Variants in ELAVL4 observed in about 807,000 individuals in gnomAD.
ELAVL4 encodes the protein ELAV-like protein 4.
A neutral mutation model predicts 35.6 loss-of-function variants in ELAVL4; 1 was observed. That is an observed-to-expected ratio of 0.03 (90% CI 0.01 to 0.13). ELAVL4 has a LOEUF of 0.13. Among genes scored for constraint, ELAVL4 ranks in the 10% least tolerant of loss-of-function variants. The pLI is 1.00. For missense variants in ELAVL4, 267 were observed against 464.9 expected (o/e 0.57, Z 3.91); for synonymous variants, 156 against 171.0 (o/e 0.91, Z 0.69).
At chr1:50,062,977 C>A (rs1664074564) in intron 1 of ELAVL4, among the ~76,000 whole-genome samples, 1 of 152,170 alleles carries the variant, frequency 6.6e-6, no homozygotes, top group African/African-American at 2.4e-5. Flanking sequence ...TCTGTTCACA[C>A]AGTGGTGAAC....
chr1:50,127,157 C>T (rs1038322142), intron 1 of ELAVL4, among the ~76,000 whole-genome samples: 5 of 152,096 alleles, frequency 3.3e-5, no homozygotes, highest in African/African-American at 9.7e-5. Flanking sequence ...CCTATGTCCC[C>T]GTGTGCTCTG....
chr1:50,170,970 C>G (rs908259945), intron 2 of ELAVL4, among the ~76,000 whole-genome samples: 20 of 152,116 alleles, frequency 1.3e-4, no homozygotes, highest in African/African-American at 4.8e-4. Context: ...GAGTTTGAGG[C>G]TGCAGCAAGC....
intron 1 of ELAVL4, among the ~76,000 whole-genome samples, chr1:50,076,270 G>A (rs1435180301): frequency 6.6e-6 from 1 of 152,192 alleles, no homozygotes; most frequent in Non-Finnish European, 1.5e-5. Flanking sequence ...CACAGTTTCA[G>A]TGACCCTTGG....
chr1:50,134,149 T>C (rs1204530310), intron 1 of ELAVL4, among the ~76,000 whole-genome samples: 1 of 152,216 alleles, frequency 6.6e-6, no homozygotes, highest in Non-Finnish European at 1.5e-5. Context: ...AGATGTGACC[T>C]AATGCTTTAG....
chr1:50,178,483 C>T (rs1027909398), intron 3 of ELAVL4, among the ~76,000 whole-genome samples: 2 of 152,152 alleles, frequency 1.3e-5, no homozygotes, highest in African/African-American at 4.8e-5. Context: ...AGCAGCTTTA[C>T]TTTTGCAATT....
At chr1:50,073,766 T>TCC in intron 1 of ELAVL4, among the ~76,000 whole-genome samples, 1 of 152,176 alleles carries the variant, frequency 6.6e-6, no homozygotes, top group Admixed American at 6.5e-5. Context: ...CACCAAGAGC[T>TCC]TTGTATGAAT....
intron 1 of ELAVL4, among the ~76,000 whole-genome samples, chr1:50,054,092 G>A (rs1417982134): frequency 6.6e-6 from 1 of 152,184 alleles, no homozygotes; most frequent in Non-Finnish European, 1.5e-5. Context: ...GAAAACTATT[G>A]TAAATTGAGT....
At chr1:50,121,449 T>C (rs1167704149) in intron 1 of ELAVL4, among the ~76,000 whole-genome samples, 1 of 152,040 alleles carries the variant, frequency 6.6e-6, no homozygotes, top group Non-Finnish European at 1.5e-5. Flanking sequence ...GAAAAGAAAG[T>C]ATCATTGGGT....
intron 1 of ELAVL4, among the ~76,000 whole-genome samples, chr1:50,092,622 A>G (rs1205320740): frequency 3.3e-5 from 5 of 152,156 alleles, no homozygotes; most frequent in South Asian, 2.1e-4. Context: ...CCATGTTTTC[A>G]TCATTAGGCG....
intron 5 of ELAVL4, 150 bp from the exon 6 acceptor site, chr1:50,197,278 AG>A: frequency 1.6e-6 from 1 of 631,246 alleles, no homozygotes; most frequent in Non-Finnish European, 2.5e-6. Context: ...GAGACAGAAA[AG>A]GGGGAAACTA....
intron 1 of ELAVL4, among the ~76,000 whole-genome samples, chr1:50,059,858 T>C (rs1309596762): frequency 1.3e-5 from 2 of 152,090 alleles, no homozygotes; most frequent in Non-Finnish European, 2.9e-5. Context: ...ACACAAAAGG[T>C]CACATATTAT....
intron 2 of ELAVL4, 133 bp from the exon 3 acceptor site, chr1:50,176,956 C>G (rs999034872): frequency 3.0e-6 from 2 of 671,690 alleles, no homozygotes; most frequent in South Asian, 2.1e-5. Flanking sequence ...GAACTGTATA[C>G]CAAAGGAGAG....
At chr1:50,178,718 C>A (rs1310218740) in intron 3 of ELAVL4, among the ~76,000 whole-genome samples, 2 of 152,136 alleles carry the variant, frequency 1.3e-5, no homozygotes, top group African/African-American at 4.8e-5. Flanking sequence ...TATTTTCATG[C>A]TTTAAGTAAA....
intron 2 of ELAVL4, among the ~76,000 whole-genome samples, chr1:50,166,189 C>T (rs537968720): frequency 4.6e-5 from 7 of 152,262 alleles, no homozygotes; most frequent in African/African-American, 1.7e-4. Context: ...CAAGTTGACA[C>T]TCAGTATTAA....
At chr1:50,087,876 C>A (rs1304300327) in intron 1 of ELAVL4, among the ~76,000 whole-genome samples, 1 of 152,218 alleles carries the variant, frequency 6.6e-6, no homozygotes, top group Non-Finnish European at 1.5e-5. Flanking sequence ...TCCACAACTA[C>A]AAGAAAATAC....
chr1:50,198,338 A>G (rs1644184178), intron 6 of ELAVL4, among the ~76,000 whole-genome samples: 1 of 152,170 alleles, frequency 6.6e-6, no homozygotes, highest in African/African-American at 2.4e-5. Flanking sequence ...CTAGGGACAT[A>G]GTGTCTTCAT....
chr1:50,117,805 C>T (rs1291444438), intron 1 of ELAVL4, among the ~76,000 whole-genome samples: 1 of 152,118 alleles, frequency 6.6e-6, no homozygotes, highest in Non-Finnish European at 1.5e-5. Context: ...GTATGCTACC[C>T]TCACTGTCTC....
chr1:50,187,420 C>A (rs1682001500), intron 3 of ELAVL4, among the ~76,000 whole-genome samples: 1 of 152,194 alleles, frequency 6.6e-6, no homozygotes, highest in Admixed American at 6.5e-5. Flanking sequence ...AGCTCTGTAA[C>A]AGAGCTTCTA....
intron 1 of ELAVL4, among the ~76,000 whole-genome samples, chr1:50,142,730 T>C: frequency 6.6e-6 from 1 of 152,178 alleles, no homozygotes; most frequent in Non-Finnish European, 1.5e-5. Flanking sequence ...AAGCTAAATA[T>C]ACATACACCC....
Sources: allele counts gnomAD v4.1 joint callset (sites outside exome capture counted in the v4.1 genomes callset), GRCh38; gene constraint gnomAD v4.1.1; transcripts MANE v1.5; gene names NCBI Gene and HGNC (gene_info 2026-07-23, HGNC 2026-07-21).